The following GRXCR1 variants were observed in gnomAD, a reference collection of about 807,000 sequenced individuals.
GRXCR1 encodes the protein glutaredoxin and cysteine rich domain containing 1.
GRXCR1 carries 27 observed loss-of-function variants against 27.3 expected under a neutral mutation model. The observed-to-expected ratio is 0.99, with a 90% confidence interval of 0.73 to 1.37. The LOEUF (loss-of-function observed/expected upper bound fraction) is 1.37. Ranked by LOEUF, GRXCR1 falls within the 40% of genes most tolerant of loss-of-function variation. GRXCR1 has a pLI of 0.00. For missense variants in GRXCR1, 379 were observed against 354.4 expected, an observed-to-expected ratio of 1.07 and a Z score of -0.56; for synonymous variants, 122 against 131.1, an observed-to-expected ratio of 0.93 and a Z score of 0.47.
intron 2 of GRXCR1, among the ~76,000 whole-genome samples, chr4:42,997,125 T>A (rs1315783065): frequency 6.6e-6 from 1 of 152,210 alleles, no homozygotes; most frequent in Non-Finnish European, 1.5e-5. Flanking sequence ...AATATGTACA[T>A]ATATTTGCAA....
intron 3 of GRXCR1, among the ~76,000 whole-genome samples, chr4:43,025,702 C>T (rs906519765): frequency 6.6e-6 from 1 of 152,244 alleles, no homozygotes; most frequent in South Asian, 2.1e-4. Flanking sequence ...CAGGGCCGGG[C>T]GCGGTGGCTC....
At chr4:42,977,858 T>C (rs1748560597) in intron 2 of GRXCR1, among the ~76,000 whole-genome samples, 1 of 152,006 alleles carries the variant, frequency 6.6e-6, no homozygotes, top group African/African-American at 2.4e-5. Flanking sequence ...GCTTTCGGAG[T>C]CATATCCAAA....
intron 1 of GRXCR1, among the ~76,000 whole-genome samples, chr4:42,902,189 G>T (rs1378944670): frequency 6.6e-6 from 1 of 152,112 alleles, no homozygotes; most frequent in East Asian, 1.9e-4. Flanking sequence ...TGAGTCAAAA[G>T]AAATGAATTA....
chr4:42,896,072 A>T (rs994946392), intron 1 of GRXCR1, among the ~76,000 whole-genome samples: 10 of 152,146 alleles, frequency 6.6e-5, no homozygotes, highest in African/African-American at 2.4e-4. Flanking sequence ...TTTAAGTTTT[A>T]AAACCTTAAA....
intron 2 of GRXCR1, among the ~76,000 whole-genome samples, chr4:42,987,245 TATA>T (rs1459872284): frequency 1.2e-5 from 1 of 86,028 alleles, no homozygotes; most frequent in Non-Finnish European, 2.3e-5. Context: ...ATATATAATA[TATA>T]ATATATATAT....
chr4:42,980,506 T>C (rs10001179), intron 2 of GRXCR1, among the ~76,000 whole-genome samples: 4 of 152,080 alleles, frequency 2.6e-5, no homozygotes, highest in African/African-American at 9.6e-5. Context: ...AGAAAGATAC[T>C]TGATATGATT....
At chr4:42,945,879 T>C (rs184026849) in intron 1 of GRXCR1, among the ~76,000 whole-genome samples, 24 of 152,324 alleles carry the variant, frequency 1.6e-4, no homozygotes, top group Non-Finnish European at 3.4e-4. Flanking sequence ...CTCCAGTGTT[T>C]TAAAATAATT....
chr4:43,014,182 C>T (rs1329654378), intron 2 of GRXCR1, among the ~76,000 whole-genome samples: 1 of 151,934 alleles, frequency 6.6e-6, no homozygotes, highest in African/African-American at 2.4e-5. Context: ...TTTTTAAAGA[C>T]ACTGGTGGGA....
rs1462427143 is a variant in GRXCR1, at chr4:42,999,919, T to A, written c.628-20435T>A. On this transcript the variant is annotated intron_variant, in intron 2 of 3. Coordinates refer to ENST00000399770, the MANE Select transcript of GRXCR1 (RefSeq NM_001080476.3). ...TGGAATTTAGTTTCTGGTTAATGTG[T>A]CTTTGTTCACCTTTCGTGATACACA... Among the ~76,000 whole-genome samples, 5 of 152,232 alleles carry A rather than the reference T, an allele frequency of 3.3e-5. No homozygotes were observed. In the East Asian group the frequency reaches 9.6e-4, roughly 29 times the overall value.
Position 43,005,892 on chromosome 4 carries a change from G to A in GRXCR1, c.628-14462G>A, listed in dbSNP as rs570985238. Among the ~76,000 whole-genome samples the A allele has an allele frequency of 1.1e-4, 17 of 152,344 alleles. No individual in the cohort carries two copies. In the South Asian group the frequency reaches 3.3e-3, roughly 30 times the overall value. The stretch of plus-strand genomic sequence containing the variant: ...CCATGCTAGGCACCAGTTATACAGT[G>A]TTGAATTAAATATTTTGTTGTCATG... On this transcript the variant is annotated intron_variant, in intron 2 of 3. Coordinates refer to ENST00000399770, the MANE Select transcript of GRXCR1 (RefSeq NM_001080476.3).
At chr4:42,943,139 A>G (rs570747010) in intron 1 of GRXCR1, among the ~76,000 whole-genome samples, 1 of 152,226 alleles carries the variant, frequency 6.6e-6, no homozygotes, top group African/African-American at 2.4e-5. Context: ...AAATTGTTTT[A>G]TATCTCTGAG....
At chr4:42,968,139 T>A (rs746372504) in intron 2 of GRXCR1, among the ~76,000 whole-genome samples, 2 of 152,112 alleles carry the variant, frequency 1.3e-5, no homozygotes, top group African/African-American at 2.4e-5. Context: ...CTAGCCATCT[T>A]GGTCTTCCGA....
Position 42,961,816 on chromosome 4 carries a change from T to G in GRXCR1, c.385-1076T>G, listed in dbSNP as rs564173456. Among the ~76,000 whole-genome samples, 4 of 152,124 alleles carry G rather than the reference T, an allele frequency of 2.6e-5. No homozygotes were observed. In the South Asian group the frequency reaches 8.3e-4, roughly 31 times the overall value. ...TCTTGGCAGAGTGGTCTGATTTCTCTGCGTACAAAGTGGTGGAGGTTAGTG... is the reference window on the plus strand; with the variant it reads ...TCTTGGCAGAGTGGTCTGATTTCTCGGCGTACAAAGTGGTGGAGGTTAGTG... On this transcript the variant is annotated intron_variant, in intron 1 of 3. Coordinates refer to ENST00000399770, the MANE Select transcript of GRXCR1 (RefSeq NM_001080476.3).
chr4:43,011,727 G>A (rs540282895), intron 2 of GRXCR1, among the ~76,000 whole-genome samples: 55 of 152,274 alleles, frequency 3.6e-4, no homozygotes, highest in African/African-American at 1.3e-3. Context: ...TGACTTGTTA[G>A]TGCTGTAGTG....
rs370719264 is a variant in GRXCR1, at chr4:43,030,581, A to G, written c.*41A>G. The G allele has an allele frequency of 8.4e-5, 125 of 1,487,446 alleles. No individual in the cohort carries two copies. In the African/African-American group the frequency reaches 1.5e-3, roughly 18 times the overall value. 92.1% of individuals were successfully genotyped at this position (1,487,446 alleles called of 1,614,324 possible). A position where few individuals can be genotyped will look rare whatever the true frequency, so the allele number is the denominator to read the frequency against. ...AGGAAAAACCTCATTTTATTAATCAAAGGCAATACTTTGGTTTATATATAT... is the reference window on the plus strand; with the variant it reads ...AGGAAAAACCTCATTTTATTAATCAGAGGCAATACTTTGGTTTATATATAT... On this transcript the variant is annotated 3_prime_UTR_variant, in exon 4 of 4. Transcript: ENST00000399770.
chr4:42,946,084 A>G (rs938019008), intron 1 of GRXCR1, among the ~76,000 whole-genome samples: 1 of 152,164 alleles, frequency 6.6e-6, no homozygotes, highest in African/African-American at 2.4e-5. Flanking sequence ...TGGCCTGGCA[A>G]TGTAGTTTCA....
At chr4:42,900,980 G>A (rs1447832944) in intron 1 of GRXCR1, among the ~76,000 whole-genome samples, 1 of 152,152 alleles carries the variant, frequency 6.6e-6, no homozygotes, top group Non-Finnish European at 1.5e-5. Flanking sequence ...TTTGACAGCT[G>A]TCAAATGCAC....
chr4:42,949,413 T>C (rs1026691151), intron 1 of GRXCR1, among the ~76,000 whole-genome samples: 7 of 150,252 alleles, frequency 4.7e-5, no homozygotes, highest in Admixed American at 1.3e-4. Context: ...TTAGTCCCTC[T>C]AATTTCTTAT....
At chr4:42,904,769 A>G (rs1273880989) in intron 1 of GRXCR1, among the ~76,000 whole-genome samples, 1 of 152,116 alleles carries the variant, frequency 6.6e-6, no homozygotes, top group African/African-American at 2.4e-5. Context: ...CTAGTCATTG[A>G]GGGTGCAAAG....
Sources: allele counts gnomAD v4.1 joint callset (sites outside exome capture counted in the v4.1 genomes callset), GRCh38; gene constraint gnomAD v4.1.1; transcripts MANE v1.5; gene names NCBI Gene and HGNC (gene_info 2026-07-23, HGNC 2026-07-21).